Variants in PTPRR observed in about 807,000 individuals in gnomAD.
The protein encoded by PTPRR is receptor-type tyrosine-protein phosphatase R.
PTPRR carries 38 observed loss-of-function variants against 77.2 expected under a neutral mutation model. The observed-to-expected ratio is 0.49, with a 90% CI of 0.38 to 0.65. The LOEUF (loss-of-function observed/expected upper bound fraction) is 0.65. Ranked by LOEUF, PTPRR falls within the 30% of genes least tolerant of loss-of-function variation. PTPRR has a pLI of 0.00. For synonymous variants in PTPRR, 299 were observed against 283.1 expected (o/e 1.06, Z -0.57); for missense variants, 744 against 799.2 (o/e 0.93, Z 0.83).
intron 8 of PTPRR, among the ~76,000 whole-genome samples, chr12:70,693,669 T>A (rs1240796129): frequency 1.3e-5 from 2 of 151,996 alleles, no homozygotes; most frequent in African/African-American, 4.8e-5. Flanking sequence ...GAAATGTAGG[T>A]TTCCAAGAAA....
intron 2 of PTPRR, among the ~76,000 whole-genome samples, chr12:70,842,293 A>T (rs1184507924): frequency 6.6e-6 from 1 of 152,220 alleles, no homozygotes; most frequent in East Asian, 1.9e-4. Flanking sequence ...TTGTTTAGTG[A>T]CATCCCAAAT....
At chr12:70,834,424 T>C (rs189774797) in intron 2 of PTPRR, among the ~76,000 whole-genome samples, 2 of 152,290 alleles carry the variant, frequency 1.3e-5, no homozygotes, top group Non-Finnish European at 2.9e-5. Flanking sequence ...TGTTCAATTT[T>C]GTCAGGCTGT....
At chr12:70,731,380 T>C (rs1889656498) in intron 6 of PTPRR, among the ~76,000 whole-genome samples, 1 of 152,176 alleles carries the variant, frequency 6.6e-6, no homozygotes, top group Non-Finnish European at 1.5e-5. Flanking sequence ...GATGAGGAAG[T>C]ATTGCCTCAC....
At chr12:70,757,697 G>T (rs146968041) in intron 4 of PTPRR, among the ~76,000 whole-genome samples, 272 of 152,260 alleles carry the variant, frequency 1.8e-3, no homozygotes, top group Non-Finnish European at 3.1e-3. Context: ...TTTAGGAATA[G>T]ATGCTTTGAG....
At chr12:70,845,568 C>A (rs1234317718) in intron 2 of PTPRR, among the ~76,000 whole-genome samples, 1 of 152,126 alleles carries the variant, frequency 6.6e-6, no homozygotes, top group Non-Finnish European at 1.5e-5. Context: ...CTTTGCCTTC[C>A]TTTGCTTCTC....
intron 6 of PTPRR, among the ~76,000 whole-genome samples, chr12:70,741,511 G>T (rs1890045358): frequency 6.6e-6 from 1 of 152,166 alleles, no homozygotes; most frequent in Non-Finnish European, 1.5e-5. Context: ...TTGGACCTTT[G>T]CTGTATTCGG....
chr12:70,793,137 C>A (rs1891451077), intron 2 of PTPRR, among the ~76,000 whole-genome samples: 1 of 152,068 alleles, frequency 6.6e-6, no homozygotes, highest in African/African-American at 2.4e-5. Flanking sequence ...TATTTGTGCC[C>A]TAATTGAAGA....
rs1162339248 is a variant in PTPRR at position 70,701,162 on chromosome 12, G to A, written c.1169C>T (p.Ser390Leu). 1.6e-5 allele frequency: 26 copies of A among 1,613,898 alleles called. No homozygotes were observed. Among genetic ancestry groups the A allele is most frequent in the Non-Finnish European group, 2.2e-5 (26 of 1,179,908 alleles). ...CATGAATTCACTTTGGAGTAAATGT[G>A]AACTTGCCACGACGTCCCTCAGCTG... ...RSQLRDVVASSHLLQSEFMEI... is the reference protein window; with the variant it reads ...RSQLRDVVASLHLLQSEFMEI... Residue 390 changes from serine to leucine, a missense_variant, in exon 7 of 14, where the codon TCA (serine) becomes TTA (leucine). Around this residue, in one of 3 missense-constraint regions of PTPRR, gnomAD observed 570 missense variants for 573.2 expected, o/e 0.99. Transcript: ENST00000283228.
intron 2 of PTPRR, among the ~76,000 whole-genome samples, chr12:70,826,831 C>T (rs780006047): frequency 2.0e-5 from 3 of 152,184 alleles, no homozygotes; most frequent in Non-Finnish European, 2.9e-5. Context: ...TTGCCTCATC[C>T]TCAAGGCTCT....
rs115003270 is a variant in PTPRR, at chr12:70,707,352, A to C, written c.1008-6029T>G. ...ACAAAAATCTAGATTTTTATTCAAT[A>C]TATTCTTTTATGATTTACTTTTAAA... On this transcript the variant is annotated intron_variant, in intron 6 of 13. Coordinates refer to ENST00000283228, the MANE Select transcript of PTPRR (RefSeq NM_002849.4). Among the ~76,000 whole-genome samples, 648 of 152,196 alleles carry C rather than the reference A, an allele frequency of 4.3e-3. 4 individuals carry two copies. Among genetic ancestry groups the C allele is most frequent in the African/African-American group, 0.015 (628 of 41,544 alleles).
intron 1 of PTPRR, among the ~76,000 whole-genome samples, chr12:70,900,702 G>T (rs1464760800): frequency 6.6e-6 from 1 of 151,442 alleles, no homozygotes; most frequent in Non-Finnish European, 1.5e-5. Flanking sequence ...CCAGTGAAAA[G>T]ATGGGCAAAA....
At chr12:70,853,334 G>A (rs1218471130) in intron 2 of PTPRR, among the ~76,000 whole-genome samples, 1 of 152,162 alleles carries the variant, frequency 6.6e-6, no homozygotes, top group Admixed American at 6.6e-5. Flanking sequence ...GGATTCAAAT[G>A]TAAACAGCTA....
At chr12:70,752,042 A>G (rs1052243021) in intron 5 of PTPRR, among the ~76,000 whole-genome samples, 2 of 152,170 alleles carry the variant, frequency 1.3e-5, no homozygotes, top group African/African-American at 2.4e-5. Flanking sequence ...TATTTTCTAT[A>G]GGCTTGACTT....
intron 2 of PTPRR, among the ~76,000 whole-genome samples, chr12:70,871,674 T>C (rs979618196): frequency 1.3e-5 from 2 of 152,220 alleles, no homozygotes; most frequent in African/African-American, 4.8e-5. Context: ...CTACAATGTA[T>C]ACAGAGATAT....
intron 1 of PTPRR, among the ~76,000 whole-genome samples, chr12:70,909,782 A>C (rs932964864): frequency 1.3e-4 from 20 of 152,148 alleles, no homozygotes; most frequent in Admixed American, 4.6e-4. Context: ...AGCAGAAGTG[A>C]TGATACCGCA....
chr12:70,643,989 A>G (rs1199925193), intron 13 of PTPRR, among the ~76,000 whole-genome samples: 1 of 152,118 alleles, frequency 6.6e-6, no homozygotes, highest in Admixed American at 6.6e-5. Flanking sequence ...TAGAACTAAA[A>G]CATAACCCCA....
rs1175506388 is a variant in PTPRR at position 70,780,253 on chromosome 12, G to T, written c.358-15475C>A. Among the ~76,000 whole-genome samples the T allele has an allele frequency of 2.0e-5, 3 of 152,094 alleles. No homozygotes were observed. The East Asian group carries it at 5.8e-4, about 29-fold the overall frequency. Reference sequence around the variant, plus strand: ...GATCCACCTGCCTTGGCCTCCCAAAGCGCTGGGATTACAGGCGTGAGCCAC... The same window carrying T: ...GATCCACCTGCCTTGGCCTCCCAAATCGCTGGGATTACAGGCGTGAGCCAC... On this transcript the variant is annotated intron_variant, in intron 2 of 13. Transcript: ENST00000283228.
chr12:70,657,172 C>G (rs1479791660), intron 12 of PTPRR, among the ~76,000 whole-genome samples: 1 of 152,036 alleles, frequency 6.6e-6, no homozygotes, highest in Non-Finnish European at 1.5e-5. Flanking sequence ...AGGACTGGAG[C>G]TGAAGAGGGA....
chr12:70,740,380 T>A (rs1219094165), intron 6 of PTPRR, among the ~76,000 whole-genome samples: 2 of 151,832 alleles, frequency 1.3e-5, no homozygotes, highest in African/African-American at 2.4e-5. Context: ...CTCTTTTTTT[T>A]TTTTCTTTTT....
Sources: allele counts gnomAD v4.1 joint callset (sites outside exome capture counted in the v4.1 genomes callset), GRCh38; gene constraint gnomAD v4.1.1; regional missense constraint gnomAD v4.1.1; transcripts MANE v1.5; gene names NCBI Gene and HGNC (gene_info 2026-07-23, HGNC 2026-07-21).